Variants in SNX24 observed in about 807,000 individuals in gnomAD.
SNX24 encodes sorting nexin-24.
SNX24 carries 22 observed loss-of-function variants against 28.7 expected under a neutral mutation model. The ratio of observed to expected loss-of-function variants is 0.77; its 90% CI spans 0.55 to 1.10. SNX24 has a LOEUF of 1.10. Among genes scored for constraint, SNX24 ranks in the 50% least tolerant of loss-of-function variants. The pLI, the probability that SNX24 is intolerant of heterozygous loss-of-function variation, is 0.00. For missense variants in SNX24, 221 were observed against 201.1 expected (o/e 1.10, Z -0.60); for synonymous variants, 69 against 71.5 (o/e 0.96, Z 0.18).
chr5:122,913,102 C>T (rs1376652617), intron 1 of SNX24, among the ~76,000 whole-genome samples: 1 of 152,242 alleles, frequency 6.6e-6, no homozygotes, highest in African/African-American at 2.4e-5. Context: ...AAAAGTCTCC[C>T]ATATCTACGT....
chr5:123,008,125 TC>T lies in SNX24; in HGVS notation c.*377del, dbSNP rs1762479200. The T allele has an allele frequency of 4.0e-6, 4 of 999,116 alleles. No individual in the cohort carries two copies. Among genetic ancestry groups the T allele is most frequent in the Non-Finnish European group, 4.8e-6 (4 of 839,398 alleles). 61.9% of individuals were successfully genotyped at this position (999,116 alleles called of 1,614,324 possible). On this transcript the variant is annotated 3_prime_UTR_variant, in exon 7 of 7. Coordinates refer to ENST00000261369, the MANE Select transcript of SNX24 (RefSeq NM_014035.4). ...ATATCCTGAATCATACTGAGACTGATCAACTTTGGTAGCTTTTTTGTTCAGA... is the reference window on the plus strand; with the variant it reads ...ATATCCTGAATCATACTGAGACTGATAACTTTGGTAGCTTTTTTGTTCAGA...
chr5:122,923,293 T>C (rs1333019185), intron 1 of SNX24, among the ~76,000 whole-genome samples: 2 of 151,424 alleles, frequency 1.3e-5, no homozygotes, highest in African/African-American at 4.9e-5. Flanking sequence ...GAGGTATGAT[T>C]ACACCACTGC....
chr5:122,968,296 G>A (rs1373921598), intron 3 of SNX24, among the ~76,000 whole-genome samples: 1 of 152,188 alleles, frequency 6.6e-6, no homozygotes, highest in Non-Finnish European at 1.5e-5. Context: ...GCAGCAAGCT[G>A]AGATCATGCC....
intron 5 of SNX24, among the ~76,000 whole-genome samples, chr5:123,026,919 G>A (rs1025134831): frequency 1.3e-5 from 2 of 152,186 alleles, no homozygotes; most frequent in South Asian, 2.1e-4. Flanking sequence ...AGTAGGCTGG[G>A]TGCAGTGGCT....
chr5:122,857,966 A>G (rs1459385272), intron 1 of SNX24, among the ~76,000 whole-genome samples: 1 of 152,110 alleles, frequency 6.6e-6, no homozygotes, highest in African/African-American at 2.4e-5. Context: ...TATTTTTAGT[A>G]GAGACGGGGT....
chr5:122,984,550 C>T (rs1466954261), intron 3 of SNX24, among the ~76,000 whole-genome samples: 1 of 152,164 alleles, frequency 6.6e-6, no homozygotes, highest in Non-Finnish European at 1.5e-5. Flanking sequence ...CAGGAGTTTA[C>T]TCTGACCCAA....
intron 1 of SNX24, among the ~76,000 whole-genome samples, chr5:122,934,000 C>A (rs570938586): frequency 6.6e-6 from 1 of 151,894 alleles, no homozygotes; most frequent in Non-Finnish European, 1.5e-5. Context: ...CCAGGCTTGT[C>A]TTGAACTCCT....
chr5:122,990,031 T>C (rs1761766773), intron 3 of SNX24, among the ~76,000 whole-genome samples: 1 of 152,222 alleles, frequency 6.6e-6, no homozygotes, highest in Non-Finnish European at 1.5e-5. Context: ...TTTTTTGTTG[T>C]TGTTGCAGCC....
chr5:122,954,906 G>A (rs1049450698), intron 3 of SNX24, among the ~76,000 whole-genome samples: 1 of 151,996 alleles, frequency 6.6e-6, no homozygotes, highest in Non-Finnish European at 1.5e-5. Context: ...GTAGATTAAT[G>A]TCTCTTATCT....
intron 3 of SNX24, among the ~76,000 whole-genome samples, chr5:122,996,254 C>T (rs991893149): frequency 3.9e-5 from 6 of 152,296 alleles, no homozygotes; most frequent in Admixed American, 3.9e-4. Context: ...AACAAGAAGG[C>T]CAGCGTGTCC....
intron 1 of SNX24, among the ~76,000 whole-genome samples, chr5:122,869,124 T>C (rs1755863475): frequency 6.6e-6 from 1 of 152,242 alleles, no homozygotes; most frequent in African/African-American, 2.4e-5. Context: ...AAGCTCTGTT[T>C]TCCTTGTTTA....
Position 122,921,739 on chromosome 5 carries a change from G to A in SNX24, c.61-14995G>A, listed in dbSNP as rs530181429. Among the ~76,000 whole-genome samples, 72 of 151,946 alleles carry A rather than the reference G, an allele frequency of 4.7e-4. 1 individual carries two copies. The South Asian group carries it at 0.013, about 28-fold the overall frequency. On this transcript the variant is annotated intron_variant, in intron 1 of 6. Transcript: ENST00000261369. ...AGAATGGCATGAATTAGAGCTTTGC[G>A]TTTTCAGTTTTTCTATAGAGACCAC...
intron 1 of SNX24, among the ~76,000 whole-genome samples, chr5:122,880,009 A>T (rs942048083): frequency 6.6e-6 from 1 of 152,190 alleles, no homozygotes; most frequent in African/African-American, 2.4e-5. Context: ...TTTTTTCAAA[A>T]AAATGTTTAA....
chr5:122,937,202 A>C (rs1759216208), intron 2 of SNX24, among the ~76,000 whole-genome samples: 1 of 152,222 alleles, frequency 6.6e-6, no homozygotes. Flanking sequence ...TATTAAAGTC[A>C]ACTTATACTT....
chr5:123,019,564 C>G (rs1376043762), intron 5 of SNX24, among the ~76,000 whole-genome samples: 3 of 152,222 alleles, frequency 2.0e-5, no homozygotes, highest in African/African-American at 7.2e-5. Flanking sequence ...GTAAATTTTA[C>G]TGAACTCTTA....
At chr5:122,994,948 C>G (rs1762000149) in intron 3 of SNX24, among the ~76,000 whole-genome samples, 1 of 152,142 alleles carries the variant, frequency 6.6e-6, no homozygotes, top group Non-Finnish European at 1.5e-5. Flanking sequence ...GTCAAATAGC[C>G]TGTCACACAC....
intron 1 of SNX24, among the ~76,000 whole-genome samples, chr5:122,862,270 G>A (rs1348803692): frequency 6.6e-6 from 1 of 151,390 alleles, no homozygotes; most frequent in Non-Finnish European, 1.5e-5. Context: ...GTGGTTTTTT[G>A]TTTGGTTTTG....
At chr5:122,883,079 A>G (rs965681302) in intron 1 of SNX24, among the ~76,000 whole-genome samples, 1 of 152,178 alleles carries the variant, frequency 6.6e-6, no homozygotes, top group Non-Finnish European at 1.5e-5. Context: ...CAGCGTGGCT[A>G]GGGAGATTTG....
At chr5:122,994,225 G>A (rs553116719) in intron 3 of SNX24, among the ~76,000 whole-genome samples, 2 of 152,280 alleles carry the variant, frequency 1.3e-5, no homozygotes, top group Admixed American at 6.5e-5. Flanking sequence ...GACCTAACTA[G>A]AATGCCAGCG....
Sources: gnomAD v4.1 joint callset for allele counts (sites outside exome capture counted in the v4.1 genomes callset) on GRCh38, gnomAD v4.1.1 for gene constraint, MANE v1.5 for transcripts, NCBI Gene and HGNC (gene_info 2026-07-23, HGNC 2026-07-21) for gene names.